CMC1: variants seen among roughly 807,000 people sequenced by gnomAD.
The protein encoded by CMC1 is COX assembly mitochondrial protein homolog.
CMC1 carries 14 observed loss-of-function variants against 14.1 expected under a neutral mutation model. That is an observed-to-expected ratio of 0.99 (90% CI 0.66 to 1.55). The LOEUF is 1.55. CMC1 is among the 40% of genes most tolerant of loss of function. CMC1 has a pLI of 0.00. For synonymous variants in CMC1, 50 were observed against 38.4 expected (o/e 1.30, Z -1.12); for missense variants, 127 against 123.8 (o/e 1.03, Z -0.12).
At chr3:28,245,403 TTTGATTTTTCACTTTC>T (rs1698773463) in intron 1 of CMC1, among the ~76,000 whole-genome samples, 3 of 152,158 alleles carry the variant, frequency 2.0e-5, no homozygotes, top group Non-Finnish European at 4.4e-5. Context: ...ACCTGATAAA[TTTGATTTTTCACTTTC>T]TCTATCAACT....
intron 1 of CMC1, among the ~76,000 whole-genome samples, chr3:28,257,983 T>C (rs963211014): frequency 7.9e-5 from 12 of 151,162 alleles, no homozygotes; most frequent in Non-Finnish European, 1.6e-4. Context: ...TTATTTTTAA[T>C]TTTAGTCATT....
At chr3:28,256,443 ATCT>A (rs1399077966) in intron 1 of CMC1, among the ~76,000 whole-genome samples, 2 of 152,108 alleles carry the variant, frequency 1.3e-5, no homozygotes. Flanking sequence ...ATCTTTGATA[ATCT>A]TCTTTATGTG....
intron 2 of CMC1, among the ~76,000 whole-genome samples, chr3:28,289,182 A>G (rs1418596900): frequency 6.6e-6 from 1 of 151,828 alleles, no homozygotes; most frequent in Non-Finnish European, 1.5e-5. Flanking sequence ...GTTTCAATAT[A>G]GAAAAGTCTC....
intron 2 of CMC1, among the ~76,000 whole-genome samples, chr3:28,274,220 CTT>C (rs544985268): frequency 9.8e-5 from 11 of 112,282 alleles, no homozygotes; most frequent in Admixed American, 1.1e-4. Context: ...TTGTTTTTTT[CTT>C]TTTTTTTTTT....
At chr3:28,274,216 T>TTTTG (rs369764247) in intron 2 of CMC1, among the ~76,000 whole-genome samples, 1 of 129,550 alleles carries the variant, frequency 7.7e-6, no homozygotes, top group Admixed American at 8.6e-5. Flanking sequence ...GTTTTTGTTT[T>TTTTG]TTTCTTTTTT....
At chr3:28,259,005 G>A (rs570450388) in intron 1 of CMC1, among the ~76,000 whole-genome samples, 2 of 152,166 alleles carry the variant, frequency 1.3e-5, no homozygotes, top group South Asian at 4.1e-4. Context: ...CTTGACTTCT[G>A]TAGTTTTGTA....
chr3:28,304,567 C>T (rs1702214434), intron 2 of CMC1, among the ~76,000 whole-genome samples: 2 of 152,116 alleles, frequency 1.3e-5, no homozygotes, highest in Non-Finnish European at 2.9e-5. Context: ...GTGATTTTCA[C>T]TCATCTTAGT....
chr3:28,299,071 T>C (rs1021414429), intron 2 of CMC1, among the ~76,000 whole-genome samples: 4 of 152,132 alleles, frequency 2.6e-5, no homozygotes, highest in Non-Finnish European at 5.9e-5. Context: ...AAGTCAAGTT[T>C]ATTTTATGTC....
At chr3:28,260,734 A>G (rs533261911) in intron 1 of CMC1, among the ~76,000 whole-genome samples, 114 of 152,172 alleles carry the variant, frequency 7.5e-4, no homozygotes, top group Non-Finnish European at 1.2e-3. Flanking sequence ...TAGTGCTACA[A>G]ATTTCCTGCC....
intron 1 of CMC1, among the ~76,000 whole-genome samples, chr3:28,261,860 C>A (rs1052819668): frequency 1.3e-5 from 2 of 152,068 alleles, no homozygotes; most frequent in African/African-American, 4.8e-5. Context: ...CATATAGGTT[C>A]GCATCTCCAA....
intron 1 of CMC1, among the ~76,000 whole-genome samples, chr3:28,252,871 A>G (rs974919591): frequency 6.6e-6 from 1 of 152,214 alleles, no homozygotes; most frequent in Non-Finnish European, 1.5e-5. Flanking sequence ...ACTGTTATGA[A>G]GACTGTATGT....
intron 1 of CMC1, among the ~76,000 whole-genome samples, chr3:28,262,414 A>G (rs1343648648): frequency 6.6e-6 from 1 of 152,068 alleles, no homozygotes; most frequent in Non-Finnish European, 1.5e-5. Context: ...ACCTATATAT[A>G]CTTTTTTCAC....
chr3:28,308,723 G>A (rs112570165), intron 2 of CMC1, among the ~76,000 whole-genome samples: 15 of 152,192 alleles, frequency 9.9e-5, no homozygotes, highest in Admixed American at 2.0e-4. Flanking sequence ...GGTGGCTTAC[G>A]CCTGTAATCC....
chr3:28,292,533 C>T (rs1377610223), intron 2 of CMC1, among the ~76,000 whole-genome samples: 1 of 152,120 alleles, frequency 6.6e-6, no homozygotes, highest in Non-Finnish European at 1.5e-5. Flanking sequence ...TTAAGGTCAC[C>T]TGGGTTTTTA....
intron 2 of CMC1, chr3:28,297,087 G>A (rs998572533): frequency 6.6e-6 from 1 of 151,988 alleles, no homozygotes; most frequent in Non-Finnish European, 1.5e-5. Context: ...TTTTAAATGT[G>A]TCACTGCCTT....
At chr3:28,281,956 G>A in intron 2 of CMC1, among the ~76,000 whole-genome samples, 1 of 152,100 alleles carries the variant, frequency 6.6e-6, no homozygotes, top group Admixed American at 6.5e-5. Flanking sequence ...TAATGATGTA[G>A]ATAAAGACTG....
intron 1 of CMC1, among the ~76,000 whole-genome samples, chr3:28,258,614 ATTTTTTTTTTT>A (rs61323375): frequency 2.0e-5 from 2 of 99,134 alleles, no homozygotes; most frequent in African/African-American, 4.3e-5. Context: ...GTATTTCTGG[ATTTTTTTTTTT>A]TTTTTTTTTT....
intron 2 of CMC1, among the ~76,000 whole-genome samples, chr3:28,284,638 C>T (rs1368398998): frequency 2.0e-5 from 3 of 152,032 alleles, no homozygotes; most frequent in East Asian, 1.9e-4. Flanking sequence ...ATAGATTTTG[C>T]TCATTTGTGT....
intron 2 of CMC1, among the ~76,000 whole-genome samples, chr3:28,267,857 T>C (rs1310720519): frequency 1.3e-5 from 2 of 152,228 alleles, no homozygotes; most frequent in African/African-American, 4.8e-5. Flanking sequence ...GCAGACTATA[T>C]ACATGGTCAA....
Sources: allele counts gnomAD v4.1 joint callset (sites outside exome capture counted in the v4.1 genomes callset), GRCh38; gene constraint gnomAD v4.1.1; transcripts MANE v1.5; gene names NCBI Gene and HGNC (gene_info 2026-07-23, HGNC 2026-07-21).